SLC8A1: variants seen among roughly 807,000 people sequenced by gnomAD.
SLC8A1 encodes solute carrier family 8 member A1.
In SLC8A1, 18 loss-of-function variants were observed where a neutral mutation model predicts 68.3. The ratio of observed to expected loss-of-function variants is 0.26; its 90% confidence interval spans 0.18 to 0.39. The LOEUF (loss-of-function observed/expected upper bound fraction) is 0.39. Ranked by LOEUF, SLC8A1 falls within the 10% of genes least tolerant of loss-of-function variation. The pLI is 1.00. For synonymous variants in SLC8A1, 475 were observed against 415.5 expected (o/e 1.14, Z -1.74); for missense variants, 985 against 1,156.7 (o/e 0.85, Z 2.15).
In SLC8A1 at chr2:40,432,691, C is replaced by T. The variant is rs368456329; in HGVS notation, c.-24-2387G>A. Among the ~76,000 whole-genome samples, 20 of 151,954 alleles carry T rather than the reference C, an allele frequency of 1.3e-4. No individual in the cohort carries two copies. In the East Asian group the frequency reaches 3.3e-3, roughly 25 times the overall value. On this transcript the variant is annotated intron_variant, in intron 1 of 7. Coordinates refer to ENST00000406785, the Ensembl canonical transcript of SLC8A1. ...AGGAGTGGGAATGGATCAGAGAACA[C>T]TGAATTGCCATAAGGCATGGGCTTT... is the stretch of plus-strand genomic sequence containing the variant.
At chr2:40,329,606 T>C (rs567745335) in intron 2 of SLC8A1, among the ~76,000 whole-genome samples, 1 of 152,362 alleles carries the variant, frequency 6.6e-6, no homozygotes, top group African/African-American at 2.4e-5. Context: ...ATCAGCCCTA[T>C]GACGTATCTT....
intron 7 of SLC8A1, among the ~76,000 whole-genome samples, chr2:40,132,123 G>C (rs1475779026): frequency 3.3e-5 from 5 of 151,724 alleles, no homozygotes; most frequent in Admixed American, 3.3e-4. Context: ...ATAAAATTGA[G>C]GTAAAGAGAG....
intron 2 of SLC8A1, among the ~76,000 whole-genome samples, chr2:40,286,468 A>G (rs2068328906): frequency 6.6e-6 from 1 of 152,206 alleles, no homozygotes; most frequent in Non-Finnish European, 1.5e-5. Flanking sequence ...TTAAAATGCA[A>G]TCCCTGATTG....
Position 40,265,354 on chromosome 2 carries a change from A to G in SLC8A1, c.1809-87499T>C, listed in dbSNP as rs141337524. Among the ~76,000 whole-genome samples, 1,513 of 152,272 alleles carry G rather than the reference A, an allele frequency of 9.9e-3. 65 individuals carry two copies. The highest frequency in any genetic ancestry group is 0.085 in the Admixed American group (1,299 of 15,280). Reference sequence around the variant, plus strand: ...GTATTAAGGCCAATGCTTTTGTACTACCTTACAGTACACTGCTTATTAGAA... The same window carrying G: ...GTATTAAGGCCAATGCTTTTGTACTGCCTTACAGTACACTGCTTATTAGAA... On this transcript the variant is annotated intron_variant, in intron 2 of 7. Coordinates refer to ENST00000406785, the Ensembl canonical transcript of SLC8A1.
intron 2 of SLC8A1, among the ~76,000 whole-genome samples, chr2:40,289,108 T>C (rs932634759): frequency 3.4e-4 from 51 of 152,038 alleles, no homozygotes; most frequent in African/African-American, 1.2e-3. Flanking sequence ...TCTTTTTTTT[T>C]TCAGTCAAAT....
intron 2 of SLC8A1, among the ~76,000 whole-genome samples, chr2:40,207,721 A>T (rs763351916): frequency 6.6e-6 from 1 of 152,134 alleles, no homozygotes; most frequent in East Asian, 1.9e-4. Context: ...AATGGGAATC[A>T]TGTCTTCTGG....
chr2:40,366,249 A>T (rs570295971), intron 2 of SLC8A1, among the ~76,000 whole-genome samples: 17 of 152,226 alleles, frequency 1.1e-4, no homozygotes, highest in Non-Finnish European at 2.4e-4. Context: ...ACTTTTTAAC[A>T]TTATTAAGTT....
intron 2 of SLC8A1, among the ~76,000 whole-genome samples, chr2:40,402,322 C>T (rs573335105): frequency 1.1e-4 from 16 of 152,276 alleles, no homozygotes; most frequent in African/African-American, 3.6e-4. Flanking sequence ...CCCTCAGTTC[C>T]AAGAATTGCC....
chr2:40,132,757 C>CA (rs1287038037), intron 7 of SLC8A1, among the ~76,000 whole-genome samples: 3 of 146,370 alleles, frequency 2.0e-5, no homozygotes, highest in South Asian at 4.2e-4. Context: ...ATCTAAGCGT[C>CA]AAAAAAAATA....
At chr2:40,394,462 T>C (rs1011912552) in intron 2 of SLC8A1, among the ~76,000 whole-genome samples, 3 of 152,096 alleles carry the variant, frequency 2.0e-5, no homozygotes, top group Non-Finnish European at 4.4e-5. Flanking sequence ...TGTGCGTGTG[T>C]GTGTGGTGTG....
intron 2 of SLC8A1, among the ~76,000 whole-genome samples, chr2:40,237,365 T>C (rs571407225): frequency 1.4e-4 from 22 of 152,330 alleles, no homozygotes; most frequent in South Asian, 4.1e-4. Flanking sequence ...TCATCTTCCA[T>C]TGCTGACACC....
chr2:40,286,729 A>C (rs186859411), intron 2 of SLC8A1, among the ~76,000 whole-genome samples: 46 of 152,258 alleles, frequency 3.0e-4, no homozygotes, highest in Admixed American at 2.4e-3. Flanking sequence ...ACCATTCTGA[A>C]AGTAATTTTC....
intron 1 of SLC8A1, among the ~76,000 whole-genome samples, chr2:40,458,187 C>G (rs990626038): frequency 6.6e-6 from 1 of 152,182 alleles, no homozygotes; most frequent in Non-Finnish European, 1.5e-5. Context: ...TTCTGCTGCT[C>G]TATCAAATTT....
intron 2 of SLC8A1, among the ~76,000 whole-genome samples, chr2:40,248,672 G>T (rs370720452): frequency 6.6e-6 from 1 of 152,058 alleles, no homozygotes; most frequent in African/African-American, 2.4e-5. Flanking sequence ...TTTTTTTCTA[G>T]GTTTAACAAC....
At chr2:40,270,517 T>C (rs182397076) in intron 2 of SLC8A1, among the ~76,000 whole-genome samples, 102 of 152,332 alleles carry the variant, frequency 6.7e-4, no homozygotes, top group African/African-American at 2.3e-3. Context: ...TTTGGCCCTT[T>C]CCTCTATCTT....
At chr2:40,412,981 C>T (rs981019688) in intron 2 of SLC8A1, among the ~76,000 whole-genome samples, 1 of 152,024 alleles carries the variant, frequency 6.6e-6, no homozygotes, top group Admixed American at 6.6e-5. Context: ...ATACATGTGC[C>T]ATGTTGGTGT....
chr2:40,494,640 A>AATATATATATATAT (rs34595267), intron 1 of SLC8A1, among the ~76,000 whole-genome samples: 7 of 92,648 alleles, frequency 7.6e-5, no homozygotes, highest in Admixed American at 2.4e-4. Flanking sequence ...CTTAAAGTAT[A>AATATATATATATAT]ATATATATAT....
At chr2:40,263,402 C>G (rs2064957932) in intron 2 of SLC8A1, among the ~76,000 whole-genome samples, 1 of 152,134 alleles carries the variant, frequency 6.6e-6, no homozygotes, top group Non-Finnish European at 1.5e-5. Flanking sequence ...CAAGTCAACC[C>G]CAAGCCAAAA....
intron 2 of SLC8A1, among the ~76,000 whole-genome samples, chr2:40,241,333 C>G (rs2061193512): frequency 6.6e-6 from 1 of 152,028 alleles, no homozygotes; most frequent in Non-Finnish European, 1.5e-5. Flanking sequence ...GTATAATAGA[C>G]ACTCTGGACT....
Sources: allele counts gnomAD v4.1 joint callset (sites outside exome capture counted in the v4.1 genomes callset), GRCh38; gene constraint gnomAD v4.1.1; transcripts MANE v1.5; gene names NCBI Gene and HGNC (gene_info 2026-07-23, HGNC 2026-07-21).